IGSF10: variants seen among roughly 807,000 people sequenced by gnomAD.
The protein encoded by IGSF10 is calvaria mechanical force protein 608.
A neutral mutation model predicts 128.2 loss-of-function variants in IGSF10; 126 were observed. The ratio of observed to expected loss-of-function variants is 0.98; its 90% CI spans 0.85 to 1.14. The LOEUF (loss-of-function observed/expected upper bound fraction) is 1.14, where lower values mean the gene tolerates loss of function less well. Among genes scored for constraint, IGSF10 ranks in the 50% most tolerant of loss-of-function variants. The pLI is 0.00. For missense variants in IGSF10, 3,295 were observed against 3,149.8 expected, an observed-to-expected ratio of 1.05 and a Z score of -1.10; for synonymous variants, 1,185 against 1,146.2, an observed-to-expected ratio of 1.03 and a Z score of -0.68.
chr3:151,531,712 A>G, the IGSF10 span, among the ~76,000 whole-genome samples: 2 of 152,332 alleles, frequency 1.3e-5, no homozygotes, highest in Non-Finnish European at 1.5e-5. Flanking sequence ...ATGGCACTAA[A>G]TGTCCACAAG....
At chr3:151,442,315 T>C (rs909123672) in intron 7 of IGSF10, among the ~76,000 whole-genome samples, 1 of 151,912 alleles carries the variant, frequency 6.6e-6, no homozygotes. Context: ...GAATCTCCAC[T>C]GCATCATAAA....
At chr3:151,583,284 C>T in the IGSF10 span, among the ~76,000 whole-genome samples, 1 of 152,078 alleles carries the variant, frequency 6.6e-6, no homozygotes, top group Admixed American at 6.6e-5. Flanking sequence ...AATACCCATA[C>T]AATTGCATTT....
chr3:151,435,613 T>G (rs1460400787), downstream of IGSF10: 1 of 81,478 alleles, frequency 1.2e-5, no homozygotes, highest in African/African-American at 4.0e-5. Context: ...TTTATAAAGC[T>G]CCTATAATTC....
chr3:151,505,338 C>T, the IGSF10 span, among the ~76,000 whole-genome samples: 40 of 152,152 alleles, frequency 2.6e-4, no homozygotes, highest in Non-Finnish European at 5.3e-4. Flanking sequence ...CATCAGATCT[C>T]GTGAGGACTT....
At chr3:151,541,075 C>G in the IGSF10 span, among the ~76,000 whole-genome samples, 2 of 152,110 alleles carry the variant, frequency 1.3e-5, no homozygotes, top group Non-Finnish European at 2.9e-5. Flanking sequence ...GTGTATGGAA[C>G]AAATGATTCC....
the IGSF10 span, among the ~76,000 whole-genome samples, chr3:151,563,934 C>T: frequency 2.6e-5 from 4 of 152,144 alleles, no homozygotes; most frequent in Admixed American, 6.6e-5. Flanking sequence ...GAGGCACAGA[C>T]AGGTTGGGGA....
At chr3:151,522,595 A>T in the IGSF10 span, among the ~76,000 whole-genome samples, 1 of 152,120 alleles carries the variant, frequency 6.6e-6, no homozygotes. Context: ...AAAACCACAC[A>T]ATTATCTCAA....
At chr3:151,489,155 G>C in the IGSF10 span, among the ~76,000 whole-genome samples, 1 of 152,188 alleles carries the variant, frequency 6.6e-6, no homozygotes. Flanking sequence ...TCATCAAAAA[G>C]TGGGTGAGGG....
chr3:151,504,991 A>T, the IGSF10 span, among the ~76,000 whole-genome samples: 1 of 152,040 alleles, frequency 6.6e-6, no homozygotes, highest in Admixed American at 6.6e-5. Context: ...ACTTTCCCAC[A>T]TTTTCCTGTC....
the IGSF10 span, among the ~76,000 whole-genome samples, chr3:151,599,441 C>G: frequency 6.6e-6 from 1 of 152,252 alleles, no homozygotes; most frequent in South Asian, 2.1e-4. Flanking sequence ...TTAGCAATAT[C>G]TTTGAGGCAG....
chr3:151,457,713 G>A (rs1721863281), intron 3 of IGSF10, among the ~76,000 whole-genome samples: 1 of 152,094 alleles, frequency 6.6e-6, no homozygotes, highest in Non-Finnish European at 1.5e-5. Flanking sequence ...ACTCCAAAGG[G>A]GTTATGAGGA....
downstream of IGSF10, chr3:151,432,782 A>T (rs1211313360): frequency 1.2e-6 from 2 of 1,613,310 alleles, no homozygotes; most frequent in Admixed American, 1.7e-5. Context: ...GTGACTCCGT[A>T]TGGGCATCCT....
the IGSF10 span, among the ~76,000 whole-genome samples, chr3:151,579,099 G>A: frequency 7.2e-5 from 11 of 152,244 alleles, no homozygotes; most frequent in East Asian, 3.9e-4. Context: ...AACATTCTCC[G>A]AAAACCCAAT....
intron 7 of IGSF10, chr3:151,440,636 T>C (rs1560172942): frequency 2.2e-6 from 1 of 456,746 alleles, no homozygotes; most frequent in African/African-American, 2.0e-5. Context: ...TGGCATTCTT[T>C]CCTAATGCTT....
the IGSF10 span, among the ~76,000 whole-genome samples, chr3:151,481,696 C>T: frequency 6.6e-6 from 1 of 152,178 alleles, no homozygotes; most frequent in Non-Finnish European, 1.5e-5. Context: ...CCTGACTCCA[C>T]AGCTACTCCA....
chr3:151,508,407 A>G, the IGSF10 span, among the ~76,000 whole-genome samples: 1 of 152,086 alleles, frequency 6.6e-6, no homozygotes, highest in African/African-American at 2.4e-5. Context: ...CATTAATAAG[A>G]CAAAGTATTT....
the IGSF10 span, among the ~76,000 whole-genome samples, chr3:151,601,562 T>A: frequency 1.3e-5 from 2 of 152,336 alleles, no homozygotes; most frequent in African/African-American, 4.8e-5. Flanking sequence ...ATATGCTTGA[T>A]GACTAGACTG....
chr3:151,539,471 T>C, the IGSF10 span, among the ~76,000 whole-genome samples: 1 of 152,224 alleles, frequency 6.6e-6, no homozygotes, highest in Non-Finnish European at 1.5e-5. Flanking sequence ...GCATTGTTTC[T>C]ACTTAAGGGT....
At chr3:151,495,564 ATTTAAT>A in the IGSF10 span, among the ~76,000 whole-genome samples, 3 of 133,578 alleles carry the variant, frequency 2.2e-5, no homozygotes. Context: ...TAACTCAAAA[ATTTAAT>A]TTTCACTGTT....
Sources: allele counts gnomAD v4.1 joint callset (sites outside exome capture counted in the v4.1 genomes callset), GRCh38; gene constraint gnomAD v4.1.1; transcripts MANE v1.5; gene names NCBI Gene and HGNC (gene_info 2026-07-23, HGNC 2026-07-21).